DIAPH2: variants seen among roughly 807,000 people sequenced by gnomAD.
DIAPH2 encodes the protein protein diaphanous homolog 2.
Under a neutral mutation model 92.7 loss-of-function variants are expected in DIAPH2, and 35 were observed. That is an observed-to-expected ratio of 0.38 (90% CI 0.29 to 0.50). DIAPH2 has a LOEUF of 0.50. Ranked by LOEUF, DIAPH2 falls within the 20% of genes least tolerant of loss-of-function variation. DIAPH2 has a pLI of 0.94. For missense variants in DIAPH2, 701 were observed against 819.5 expected, an observed-to-expected ratio of 0.86 and a Z score of 1.77; for synonymous variants, 301 against 280.4, an observed-to-expected ratio of 1.07 and a Z score of -0.73.
At chrX:97,325,852 C>G (rs941316315) in intron 23 of DIAPH2, among the ~76,000 whole-genome samples, 2 of 112,265 alleles carry the variant, frequency 1.8e-5, no homozygotes, top group African/African-American at 3.2e-5. Flanking sequence ...GCTGGGATTA[C>G]AGGCGTGAGC....
chrX:97,328,280 C>A (rs899764052), intron 23 of DIAPH2, among the ~76,000 whole-genome samples: 3 of 110,507 alleles, frequency 2.7e-5, no homozygotes, highest in Non-Finnish European at 3.8e-5. Flanking sequence ...CCTAAAAAAT[C>A]AAAAATTAGC....
At chrX:96,793,593 T>C (rs2064516780) in intron 4 of DIAPH2, 1 of 372,676 alleles carries the variant, frequency 2.7e-6, no homozygotes, top group African/African-American at 2.5e-5. Context: ...TTTCCTGGCT[T>C]TCAGACTGTT....
At chrX:97,063,073 G>A (rs972472212) in intron 17 of DIAPH2, among the ~76,000 whole-genome samples, 6 of 107,759 alleles carry the variant, frequency 5.6e-5, no homozygotes, top group African/African-American at 2.0e-4. Flanking sequence ...AAATCTTCAG[G>A]TCCTCCCTAT....
chrX:96,917,828 AT>A (rs1392403448), intron 8 of DIAPH2, among the ~76,000 whole-genome samples: 1 of 111,055 alleles, frequency 9.0e-6, no homozygotes, highest in African/African-American at 3.3e-5. Context: ...TCTTTAAAAA[AT>A]AATCACTCTT....
rs761245768 is a variant in DIAPH2 at position 96,957,991 on chromosome X, C to T, written c.1778C>T (p.Pro593Leu). Residue 593 changes from proline (P) to leucine (L), a missense_variant, in exon 16 of 27, where the codon CCA becomes CTA. Coordinates refer to ENST00000324765, the MANE Select transcript of DIAPH2 (RefSeq NM_006729.5). ...PLPGMMGIPP[P>L]PPPPLLFGGP... ...CCTGGAATGATGGGGATACCACCAC[C>T]ACCCCCACCACCACTTTTATTTGGG... 1 of 1,209,628 alleles carries T rather than the reference C, an allele frequency of 8.3e-7. No homozygotes were observed. Among genetic ancestry groups the T allele is most frequent in the Admixed American group, 2.2e-5 (1 of 45,912 alleles).
intron 25 of DIAPH2, among the ~76,000 whole-genome samples, chrX:97,389,700 C>T (rs754041259): frequency 1.8e-5 from 2 of 110,818 alleles, no homozygotes; most frequent in African/African-American, 6.6e-5. Flanking sequence ...TACCCTGAGA[C>T]AACTGGGATG....
At position 97,468,241 on chromosome X, in the gene DIAPH2, G is replaced by GAGC. The variant is rs1021190762; in HGVS notation, c.3241+38498_3241+38500dup. Among the ~76,000 whole-genome samples the GAGC allele has an allele frequency of 7.2e-5, 8 of 111,492 alleles. No homozygotes were observed. In the Admixed American group the frequency reaches 7.7e-4, roughly 11 times the overall value. ...TCAGCCTTTGGCCACCATCACCTAT[G>GAGC]AGCACGGCTGCTGCTCTTAGTAATC... On this transcript the variant is annotated intron_variant, in intron 26 of 26. Coordinates refer to ENST00000324765, the MANE Select transcript of DIAPH2 (RefSeq NM_006729.5).
intron 23 of DIAPH2, among the ~76,000 whole-genome samples, chrX:97,334,463 A>AG (rs2069032434): frequency 3.9e-5 from 2 of 51,490 alleles, no homozygotes; most frequent in Admixed American, 2.6e-4. Context: ...ACTCCGTCTC[A>AG]AAAAAAAAAA....
chrX:97,281,559 A>G (rs1206693373), intron 23 of DIAPH2, among the ~76,000 whole-genome samples: 2 of 110,747 alleles, frequency 1.8e-5, no homozygotes, highest in Non-Finnish European at 3.8e-5. Flanking sequence ...CCTGGCTAAC[A>G]TGGTGAAATC....
At chrX:97,302,211 C>A (rs866538065) in intron 23 of DIAPH2, among the ~76,000 whole-genome samples, 27 of 26,653 alleles carry the variant, frequency 1.0e-3, no homozygotes, top group Admixed American at 2.1e-3. Flanking sequence ...GACTCCATCT[C>A]AAAAAAAAAA....
chrX:97,258,849 C>T (rs201643691), intron 23 of DIAPH2, among the ~76,000 whole-genome samples: 1 of 71,719 alleles, frequency 1.4e-5, no homozygotes, highest in African/African-American at 5.8e-5. Flanking sequence ...CCAGCCTGGG[C>T]GACAGAGCGA....
intron 9 of DIAPH2, among the ~76,000 whole-genome samples, chrX:96,925,765 C>T (rs1157374151): frequency 9.0e-6 from 1 of 111,697 alleles, no homozygotes. Context: ...CTTTCTCTTT[C>T]GCCTCATATT....
intron 26 of DIAPH2, among the ~76,000 whole-genome samples, chrX:97,589,595 A>G (rs2147885166): frequency 9.0e-6 from 1 of 111,094 alleles, no homozygotes; most frequent in South Asian, 3.8e-4. Context: ...TGATGGACAT[A>G]TTGGTTATTT....
At chrX:96,898,655 A>C (rs1318600957) in intron 5 of DIAPH2, among the ~76,000 whole-genome samples, 1 of 107,298 alleles carries the variant, frequency 9.3e-6, no homozygotes, top group African/African-American at 3.4e-5. Flanking sequence ...AGGTTGCGAA[A>C]ATTTTCTCCC....
At chrX:97,246,759 G>T (rs987529168) in intron 22 of DIAPH2, among the ~76,000 whole-genome samples, 2 of 111,903 alleles carry the variant, frequency 1.8e-5, no homozygotes, top group African/African-American at 6.5e-5. Context: ...TGTGTTTCAT[G>T]GTCCTTTAAT....
intron 26 of DIAPH2, among the ~76,000 whole-genome samples, chrX:97,434,602 A>G (rs1440257395): frequency 9.2e-6 from 1 of 108,761 alleles, no homozygotes; most frequent in Non-Finnish European, 1.9e-5. Context: ...AGTAGAGACG[A>G]GGTTTCATCA....
At chrX:97,071,622 A>G (rs887408709) in intron 17 of DIAPH2, among the ~76,000 whole-genome samples, 6 of 111,532 alleles carry the variant, frequency 5.4e-5, no homozygotes, top group Non-Finnish European at 1.1e-4. Context: ...TTTCTGTAGC[A>G]TGCTCATTTA....
At position 97,455,136 on chromosome X, in the gene DIAPH2, C is replaced by T. The variant is rs1427206513; in HGVS notation, c.3241+25391C>T. Reference sequence around the variant, plus strand: ...AGATAAAAATTGTTGCTATTTAGGACGTATAGACTCTCTGCTATCCAGATC... The same window carrying T: ...AGATAAAAATTGTTGCTATTTAGGATGTATAGACTCTCTGCTATCCAGATC... On this transcript the variant is annotated intron_variant, in intron 26 of 26. Transcript: ENST00000324765. 6.2e-5 allele frequency among the ~76,000 whole-genome samples: 7 copies of T among 112,180 alleles called. No homozygotes were observed. In the South Asian group the frequency reaches 1.1e-3, roughly 18 times the overall value.
In DIAPH2 at chrX:96,937,240, A is replaced by G. The variant is rs964342058; in HGVS notation, c.1097A>G (p.Lys366Arg). ...TTTATGTTTATATATTAGGATCTAAAAGAAAAAGAGAATGATGAGCTTGAT... is the reference window on the plus strand; with the variant it reads ...TTTATGTTTATATATTAGGATCTAAGAGAAAAAGAGAATGATGAGCTTGAT... ...SGLKTMLPDLKEKENDELDIQ... is the reference protein window; with the variant it reads ...SGLKTMLPDLREKENDELDIQ... The change falls in exon 11 of 27, where the codon AAA becomes AGA. Residue 366 changes from lysine to arginine, a missense_variant. Lys to Arg is a conservative substitution (Grantham distance 26). Coordinates refer to ENST00000324765, the MANE Select transcript of DIAPH2 (RefSeq NM_006729.5). 1.8e-6 allele frequency: 2 copies of G among 1,114,249 alleles called. No homozygotes were observed. The highest frequency in any genetic ancestry group is 2.4e-6 in the Non-Finnish European group (2 of 825,614). 91.8% of individuals were successfully genotyped at this position (1,114,249 alleles called of 1,213,427 possible).
Sources: allele counts gnomAD v4.1 joint callset (sites outside exome capture counted in the v4.1 genomes callset), GRCh38; gene constraint gnomAD v4.1.1; transcripts MANE v1.5; gene names NCBI Gene and HGNC (gene_info 2026-07-23, HGNC 2026-07-21).